PXDN: variants seen among roughly 807,000 people sequenced by gnomAD.
The protein encoded by PXDN is peroxidasin homolog.
A neutral mutation model predicts 140.3 loss-of-function variants in PXDN; 77 were observed. That is an observed-to-expected ratio of 0.55 (90% CI 0.46 to 0.66). PXDN has a LOEUF of 0.66. Among genes scored for constraint, PXDN ranks in the 30% least tolerant of loss-of-function variants. PXDN has a pLI of 0.00. For missense variants in PXDN, 1,838 were observed against 2,039.5 expected, an observed-to-expected ratio of 0.90 and a Z score of 1.90; for synonymous variants, 911 against 857.4, an observed-to-expected ratio of 1.06 and a Z score of -1.09.
intron 14 of PXDN, among the ~76,000 whole-genome samples, chr2:1,655,276 TATAG>T (rs1319974521): frequency 6.7e-6 from 1 of 148,952 alleles, no homozygotes; most frequent in East Asian, 2.0e-4. Flanking sequence ...CAGAACATTA[TATAG>T]AGACACACCA....
intron 9 of PXDN, among the ~76,000 whole-genome samples, chr2:1,670,058 A>T (rs1260013886): frequency 6.6e-6 from 1 of 152,202 alleles, no homozygotes; most frequent in Non-Finnish European, 1.5e-5. Context: ...TAGGATATTA[A>T]TACATTGATT....
rs960069775 is a variant in PXDN at position 1,663,657 on chromosome 2, G to C, written c.1515C>G (p.Val505=). Reference sequence around the variant, plus strand: ...CGACCTTCTGGGAGCCGATGATGTTGACAGCCTGGCATTCGTACTGGCCCT... The same window carrying C: ...CGACCTTCTGGGAGCCGATGATGTTCACAGCCTGGCATTCGTACTGGCCCT... ...HDQGQYECQA[V]NIIGSQKVVA... Residue 505 remains valine, a synonymous_variant, in exon 12 of 23, where the codon GTC becomes GTG. Coordinates refer to ENST00000252804, the MANE Select transcript of PXDN (RefSeq NM_012293.3). 6.2e-7 allele frequency: 1 copy of C among 1,614,040 alleles called. No individual in the cohort carries two copies. The highest frequency in any genetic ancestry group is 8.5e-7 in the Non-Finnish European group (1 of 1,179,906).
chr2:1,666,132 T>C, intron 10 of PXDN, 82 bp downstream of exon 10: 1 of 1,539,202 alleles, frequency 6.5e-7, no homozygotes, highest in Non-Finnish European at 8.9e-7. Context: ...CTATGGAGCG[T>C]CTGTGGGTAT....
At chr2:1,659,657 A>C (rs940758502) in intron 14 of PXDN, among the ~76,000 whole-genome samples, 3 of 152,222 alleles carry the variant, frequency 2.0e-5, no homozygotes, top group African/African-American at 7.2e-5. Flanking sequence ...CAAGCAAAAA[A>C]CAAATATTAA....
At position 1,634,319 on chromosome 2, in the gene PXDN, C is replaced by T. The variant is rs752435465; in HGVS notation, c.4325G>A (p.Gly1442Glu). The change falls in exon 23 of 23, where the codon GGG becomes GAG. Residue 1442 changes from glycine (G) to glutamate (E), a missense_variant. Physicochemically the swap from Gly to Glu is moderately conservative, Grantham distance 98 (BLOSUM62 -2). Around this residue, in one of 5 missense-constraint regions of PXDN, gnomAD observed 850 missense variants for 894.1 expected, o/e 0.95. Coordinates refer to ENST00000252804, the MANE Select transcript of PXDN (RefSeq NM_012293.3). ...DACTICECKD[G>E]QVTCFVEACP... The stretch of plus-strand genomic sequence containing the variant: ...AGCTTCCACGAAGCAGGTGACCTGC[C>T]CGTCCTGGAGAAGAGAGACGGAGCA... 19 of 1,583,026 alleles carry T rather than the reference C, an allele frequency of 1.2e-5. No homozygotes were observed. Among genetic ancestry groups the T allele is most frequent in the Non-Finnish European group, 1.6e-5 (19 of 1,164,164 alleles).
chr2:1,708,233 A>G (rs960199475), intron 1 of PXDN, among the ~76,000 whole-genome samples: 1 of 152,198 alleles, frequency 6.6e-6, no homozygotes, highest in African/African-American at 2.4e-5. Flanking sequence ...TGTCCCTGCC[A>G]TTGTTCTGCA....
intron 14 of PXDN, among the ~76,000 whole-genome samples, chr2:1,658,073 T>TCCCC (rs1558494472): frequency 1.7e-5 from 1 of 58,974 alleles, no homozygotes; most frequent in Non-Finnish European, 3.7e-5. Flanking sequence ...TCTCTCTCTC[T>TCCCC]CTCTCTCTCT....
At chr2:1,712,006 T>A (rs919704837) in intron 1 of PXDN, among the ~76,000 whole-genome samples, 1 of 152,138 alleles carries the variant, frequency 6.6e-6, no homozygotes, top group Admixed American at 6.5e-5. Flanking sequence ...CAAGTAATCA[T>A]CCAGTAAATT....
At chr2:1,711,449 G>A in intron 1 of PXDN, among the ~76,000 whole-genome samples, 1 of 108,898 alleles carries the variant, frequency 9.2e-6, no homozygotes, top group South Asian at 3.5e-4. Flanking sequence ...CACTCCACCA[G>A]CACCCACTCT....
Position 1,714,875 on chromosome 2 carries a change from G to A in PXDN, c.201-21741C>T, listed in dbSNP as rs1684860244. Among the ~76,000 whole-genome samples the A allele has an allele frequency of 6.6e-6, 1 of 152,164 alleles. No individual in the cohort carries two copies. Among genetic ancestry groups the A allele is most frequent in the African/African-American group, 2.4e-5 (1 of 41,456 alleles). ...GGGGGTCCCTCTCCAGGCTCTGGGA[G>A]CCTGGCCTGGCGCCCTGTCTTGCTC... On this transcript the variant is annotated intron_variant, in intron 1 of 22. Transcript: ENST00000252804. The surrounding 1 kb of genome is among the most constrained non-coding windows in gnomAD (Gnocchi z 4.3).
At chr2:1,696,388 G>T (rs1382117631) in intron 1 of PXDN, among the ~76,000 whole-genome samples, 1 of 151,616 alleles carries the variant, frequency 6.6e-6, no homozygotes, top group Non-Finnish European at 1.5e-5. Context: ...CTACTATGAA[G>T]AGGGTAAAAC....
intron 1 of PXDN, among the ~76,000 whole-genome samples, chr2:1,740,791 G>A (rs1219211477): frequency 6.7e-6 from 1 of 149,416 alleles, no homozygotes; most frequent in Non-Finnish European, 1.5e-5. Flanking sequence ...CACACGGCGT[G>A]GGCCTAACAC....
chr2:1,689,259 A>G (rs910726575), intron 3 of PXDN, among the ~76,000 whole-genome samples: 13 of 152,222 alleles, frequency 8.5e-5, no homozygotes, highest in African/African-American at 3.1e-4. Context: ...CATTGTTCAC[A>G]TGGGAGTTGT....
chr2:1,721,515 G>A (rs1685050543), intron 1 of PXDN, among the ~76,000 whole-genome samples: 1 of 152,230 alleles, frequency 6.6e-6, no homozygotes, highest in Non-Finnish European at 1.5e-5. Context: ...TAGTGAAACA[G>A]ATTGAGTTTT....
At chr2:1,665,628 G>C (rs1485628743) in intron 10 of PXDN, among the ~76,000 whole-genome samples, 1 of 152,232 alleles carries the variant, frequency 6.6e-6, no homozygotes, top group Non-Finnish European at 1.5e-5. Context: ...ACAGGAAAGG[G>C]CTGAAGAGAG....
intron 1 of PXDN, among the ~76,000 whole-genome samples, chr2:1,741,318 T>C (rs1685538261): frequency 2.0e-5 from 3 of 152,126 alleles, no homozygotes; most frequent in Admixed American, 2.0e-4. Context: ...AATGATTCTG[T>C]ATTCAAAAAC....
intron 1 of PXDN, among the ~76,000 whole-genome samples, chr2:1,733,429 A>G (rs921688746): frequency 2.6e-5 from 4 of 152,252 alleles, no homozygotes. Context: ...ATGGGAAACA[A>G]TGTGAGAGGA....
intron 14 of PXDN, 66 bp from the exon 15 acceptor site, chr2:1,654,574 T>A: frequency 9.8e-7 from 1 of 1,025,466 alleles, no homozygotes; most frequent in Non-Finnish European, 1.5e-6. Flanking sequence ...AAATGATGTC[T>A]AGACACTACA....
Position 1,715,557 on chromosome 2 carries a change from G to A in PXDN, c.201-22423C>T, listed in dbSNP as rs530324265. Among the ~76,000 whole-genome samples the A allele has an allele frequency of 4.6e-5, 7 of 152,274 alleles. No homozygotes were observed. In the East Asian group the frequency reaches 9.6e-4, roughly 21 times the overall value. Reference sequence around the variant, plus strand: ...TCTTCTAACTCAAGGAACACGCCACGGTGCCGGGCGGGTGTCGTCCCCAGC... The same window carrying A: ...TCTTCTAACTCAAGGAACACGCCACAGTGCCGGGCGGGTGTCGTCCCCAGC... On this transcript the variant is annotated intron_variant, in intron 1 of 22. Coordinates refer to ENST00000252804, the MANE Select transcript of PXDN (RefSeq NM_012293.3).
Sources: allele counts gnomAD v4.1 joint callset (sites outside exome capture counted in the v4.1 genomes callset), GRCh38; gene constraint gnomAD v4.1.1; regional missense constraint gnomAD v4.1.1; non-coding constraint Gnocchi (gnomAD v3.1); transcripts MANE v1.5; gene names NCBI Gene and HGNC (gene_info 2026-07-23, HGNC 2026-07-21).